BPIFB3: variants seen among roughly 807,000 people sequenced by gnomAD.
The protein encoded by BPIFB3 is BPI fold containing family B member 3.
In BPIFB3, 49 loss-of-function variants were observed where a neutral mutation model predicts 53.1. The observed-to-expected ratio is 0.92, with a 90% CI of 0.73 to 1.17. BPIFB3 has a LOEUF of 1.17. BPIFB3 is among the 50% of genes most tolerant of loss of function. BPIFB3 has a pLI of 0.00. For missense variants in BPIFB3, 628 were observed against 592.5 expected (o/e 1.06, Z -0.62); for synonymous variants, 271 against 269.6 (o/e 1.01, Z -0.05).
upstream of BPIFB3, among the ~76,000 whole-genome samples, chr20:33,054,899 T>G (rs948129573): frequency 1.3e-5 from 2 of 152,198 alleles, no homozygotes; most frequent in Non-Finnish European, 2.9e-5. Context: ...ATGTTAAGTC[T>G]AAGTGTTGGG....
Position 33,064,731 on chromosome 20 carries a change from GCC to G in BPIFB3, c.815_816del (p.Pro272GlnfsTer35). 1 of 1,614,096 alleles carries G rather than the reference GCC, an allele frequency of 6.2e-7. No homozygotes were observed. Among genetic ancestry groups the G allele is most frequent in the Non-Finnish European group, 8.5e-7 (1 of 1,180,008 alleles). On this transcript the variant is annotated frameshift_variant, in exon 8 of 15. Transcript: ENST00000375494. LOFTEE classifies it high-confidence loss of function. ...CCAAGTCCCGTGCCCCAGCCAAGGT[GCC>G]CCCCAAGAAGGACCACACATCCCAG...
upstream of BPIFB3, among the ~76,000 whole-genome samples, chr20:33,054,346 C>T (rs1000611793): frequency 3.3e-5 from 5 of 152,098 alleles, no homozygotes; most frequent in Admixed American, 1.3e-4. Context: ...TCCCTGCCTT[C>T]ATGGAGTTTA....
At position 33,064,426 on chromosome 20, in the gene BPIFB3, G is replaced by A. The variant is rs775045645; in HGVS notation, c.653-31G>A. 7 of 1,560,614 alleles carry A rather than the reference G, an allele frequency of 4.5e-6. No individual in the cohort carries two copies. In the East Asian group the frequency reaches 6.7e-5, roughly 15 times the overall value. Reference sequence around the variant, plus strand: ...ATTATGATTGGGAACTGGGCTTATAGGGTCGTTCTCGCCCCCACTTTCCCA... The same window carrying A: ...ATTATGATTGGGAACTGGGCTTATAAGGTCGTTCTCGCCCCCACTTTCCCA... On this transcript the variant is annotated intron_variant, in intron 6 of 14. Transcript: ENST00000375494.
At chr20:33,061,686 C>A (rs1341685849) in intron 4 of BPIFB3, 82 bp from the exon 6 acceptor site, 3 of 1,358,416 alleles carry the variant, frequency 2.2e-6, no homozygotes, top group East Asian at 2.4e-5. Flanking sequence ...AAATCCAGAG[C>A]CCCTAGTGTC....
At chr20:33,055,422 G>T, upstream of BPIFB3, 2 of 1,613,328 alleles carry the variant, frequency 1.2e-6, no homozygotes, top group Non-Finnish European at 1.7e-6. Context: ...CTCCTTATAG[G>T]CATGCAGCCA....
chr20:33,064,015 A>G (rs940895822), intron 6 of BPIFB3, among the ~76,000 whole-genome samples: 1 of 152,210 alleles, frequency 6.6e-6, no homozygotes, highest in African/African-American at 2.4e-5. Flanking sequence ...AGAGAGCTCA[A>G]GTAAGGAACC....
chr20:33,070,336 T>C (rs934955167), intron 11 of BPIFB3, among the ~76,000 whole-genome samples: 2 of 152,232 alleles, frequency 1.3e-5, no homozygotes, highest in Non-Finnish European at 2.9e-5. Flanking sequence ...GACTTGTTAC[T>C]TGTTACTTCT....
intron 6 of BPIFB3, 47 bp downstream of exon 7, chr20:33,063,722 C>A (rs777401954): frequency 6.3e-7 from 1 of 1,591,934 alleles, no homozygotes. Flanking sequence ...CTACCCGTCT[C>A]TGTATGACCC....
At chr20:33,061,938 C>T (rs1980477456) in intron 5 of BPIFB3, 107 bp downstream of exon 6, 1 of 1,287,100 alleles carries the variant, frequency 7.8e-7, no homozygotes, top group Non-Finnish European at 1.1e-6. Flanking sequence ...GCTGTACTTC[C>T]CTTCCACACC....
downstream of BPIFB3, chr20:33,073,762 G>A (rs1175872820): frequency 1.3e-6 from 1 of 788,232 alleles, no homozygotes; most frequent in Middle Eastern, 2.3e-4. Flanking sequence ...GAACTGCCTG[G>A]CTAATCATAG....
In BPIFB3 at chr20:33,061,702, G is replaced by A. The variant is rs375190834; in HGVS notation, c.528-66G>A. ...AATCCAGAGCCCCTAGTGTCCGCCC[G>A]ACCCTGTCATCTGGGTTGAACCGTC... On this transcript the variant is annotated intron_variant, in intron 4 of 14. Coordinates refer to ENST00000375494, the Ensembl canonical transcript of BPIFB3. 332 of 1,514,724 alleles carry A rather than the reference G, an allele frequency of 2.2e-4. 1 individual carries two copies. The East Asian group carries it at 3.2e-3, about 14-fold the overall frequency. 93.8% of individuals were successfully genotyped at this position (1,514,724 alleles called of 1,614,324 possible). A position where few individuals can be genotyped will look rare whatever the true frequency, so the allele number is the denominator to read the frequency against.
upstream of BPIFB3, among the ~76,000 whole-genome samples, chr20:33,054,076 G>A (rs551910173): frequency 4.6e-5 from 7 of 152,282 alleles, no homozygotes. Flanking sequence ...ACCCTAGGAG[G>A]AGACTGGGGG....
chr20:33,068,791 G>T lies in BPIFB3; in HGVS notation c.979-12G>T. 6.2e-7 allele frequency: 1 copy of T among 1,611,752 alleles called. No individual in the cohort carries two copies. The highest frequency in any genetic ancestry group is 8.5e-7 in the Non-Finnish European group (1 of 1,178,672). On this transcript the variant is annotated splice_polypyrimidine_tract_variant and intron_variant, in intron 9 of 14. Transcript: ENST00000375494. Reference sequence around the variant, plus strand: ...CCTGGGGCATCTAAGTTATGCCCCTGCATTTCTCCAGGCCCTGGGGAAGCT... The same window carrying T: ...CCTGGGGCATCTAAGTTATGCCCCTTCATTTCTCCAGGCCCTGGGGAAGCT...
intron 2 of BPIFB3, 40 bp from the exon 4 acceptor site, chr20:33,059,338 G>A (rs369273404): frequency 7.3e-6 from 11 of 1,510,764 alleles, no homozygotes; most frequent in Middle Eastern, 2.2e-4. Context: ...GGGCTGGGAT[G>A]TCTGGGAGTG....
intron 2 of BPIFB3, 104 bp downstream of exon 3, chr20:33,056,802 G>C: frequency 7.3e-7 from 1 of 1,366,636 alleles, no homozygotes; most frequent in Non-Finnish European, 9.7e-7. Flanking sequence ...AGTGAAGGTT[G>C]TGTGGGAGGG....
intron 1 of BPIFB3, among the ~76,000 whole-genome samples, chr20:33,055,896 C>CT (rs1046768489): frequency 6.6e-6 from 1 of 152,126 alleles, no homozygotes; most frequent in African/African-American, 2.4e-5. Flanking sequence ...GGGAACTGTA[C>CT]TTGGCATTTG....
downstream of BPIFB3, chr20:33,073,761 G>A: frequency 1.2e-6 from 1 of 803,690 alleles, no homozygotes; most frequent in Non-Finnish European, 2.0e-6. Flanking sequence ...GGAACTGCCT[G>A]GCTAATCATA....
intron 9 of BPIFB3, among the ~76,000 whole-genome samples, chr20:33,068,323 G>A (rs919874170): frequency 6.6e-6 from 1 of 152,246 alleles, no homozygotes; most frequent in Admixed American, 6.5e-5. Context: ...AGGCCTCAGT[G>A]AGGAGGTAAC....
intron 2 of BPIFB3, among the ~76,000 whole-genome samples, chr20:33,057,217 CTTGCTTTG>C (rs1256011351): frequency 6.6e-6 from 1 of 151,760 alleles, no homozygotes; most frequent in East Asian, 1.9e-4. Flanking sequence ...GAGACACAGT[CTTGCTTTG>C]TTGCCCAGGC....
Sources: gnomAD v4.1 joint callset for allele counts (sites outside exome capture counted in the v4.1 genomes callset) on GRCh38, gnomAD v4.1.1 for gene constraint, MANE v1.5 for transcripts, NCBI Gene and HGNC (gene_info 2026-07-23, HGNC 2026-07-21) for gene names.